Variants in CAMK1D observed in about 807,000 individuals in gnomAD.
CAMK1D encodes calcium/calmodulin dependent protein kinase ID, also known as calcium/calmodulin-dependent protein kinase type 1D.
A neutral mutation model predicts 47.7 loss-of-function variants in CAMK1D; 9 were observed. That is an observed-to-expected ratio of 0.19 (90% CI 0.11 to 0.33). The LOEUF is 0.33. Ranked by LOEUF, CAMK1D falls within the 10% of genes least tolerant of loss-of-function variation. CAMK1D has a pLI of 1.00. For synonymous variants in CAMK1D, 184 were observed against 184.9 expected (o/e 0.99, Z 0.04); for missense variants, 291 against 488.7 (o/e 0.60, Z 3.81).
At chr10:12,470,561 A>C (rs1037261259) in intron 1 of CAMK1D, among the ~76,000 whole-genome samples, 7 of 150,242 alleles carry the variant, frequency 4.7e-5, no homozygotes, top group African/African-American at 1.7e-4. Flanking sequence ...TCTGTCGCCC[A>C]GGTGGAGTGC....
intron 4 of CAMK1D, among the ~76,000 whole-genome samples, chr10:12,764,851 A>G (rs1402051992): frequency 6.6e-6 from 1 of 151,916 alleles, no homozygotes. Context: ...ATCCCAGCAC[A>G]TTGGGAGGCT....
intron 2 of CAMK1D, among the ~76,000 whole-genome samples, chr10:12,571,465 AAAAAAAG>A (rs1837324538): frequency 6.7e-6 from 1 of 149,856 alleles, no homozygotes. Flanking sequence ...AAAAAAAAAA[AAAAAAAG>A]AAAAAAAAGA....
At chr10:12,634,370 C>T (rs1839457664) in intron 2 of CAMK1D, among the ~76,000 whole-genome samples, 1 of 152,154 alleles carries the variant, frequency 6.6e-6, no homozygotes, top group South Asian at 2.1e-4. Context: ...CCCTCATCCT[C>T]CTACAGCAGC....
intron 1 of CAMK1D, among the ~76,000 whole-genome samples, chr10:12,489,346 C>T (rs902813083): frequency 1.8e-4 from 28 of 152,236 alleles, no homozygotes; most frequent in Admixed American, 3.9e-4. Context: ...AATGAAAAGT[C>T]AGCAGTGAGC....
intron 2 of CAMK1D, among the ~76,000 whole-genome samples, chr10:12,572,156 GC>G (rs2132317606): frequency 6.6e-6 from 1 of 151,860 alleles, no homozygotes; most frequent in East Asian, 1.9e-4. Context: ...CTCTTGATTT[GC>G]TTTGGCTCTA....
At chr10:12,387,304 T>C (rs7899237) in intron 1 of CAMK1D, among the ~76,000 whole-genome samples, 71,174 of 140,028 alleles carry the variant, frequency 0.51, 19,861 homozygotes, top group East Asian at 0.7. Context: ...ATTATATGTA[T>C]AATATATAAT....
At chr10:12,641,106 A>G (rs1354584919) in intron 2 of CAMK1D, among the ~76,000 whole-genome samples, 2 of 151,926 alleles carry the variant, frequency 1.3e-5, no homozygotes, top group African/African-American at 2.4e-5. Flanking sequence ...AGTAGCTAGG[A>G]TTACAGGAAT....
At chr10:12,681,114 A>G (rs1045977393) in intron 3 of CAMK1D, among the ~76,000 whole-genome samples, 1 of 152,018 alleles carries the variant, frequency 6.6e-6, no homozygotes, top group Non-Finnish European at 1.5e-5. Flanking sequence ...TGTGTCCTTG[A>G]CCATTTTCTC....
intron 5 of CAMK1D, 27 bp from the exon 6 acceptor site, chr10:12,791,131 C>T (rs1236573077): frequency 1.4e-5 from 22 of 1,609,924 alleles, no homozygotes; most frequent in Non-Finnish European, 1.8e-5. Context: ...AATTGTCAGG[C>T]TGTGTCTTTT....
intron 2 of CAMK1D, among the ~76,000 whole-genome samples, chr10:12,646,607 C>T (rs751015678): frequency 2.6e-5 from 4 of 152,018 alleles, no homozygotes; most frequent in Non-Finnish European, 4.4e-5. Flanking sequence ...GGATAATAGA[C>T]CCCTCCCCTA....
intron 8 of CAMK1D, among the ~76,000 whole-genome samples, 175 bp downstream of exon 8, chr10:12,816,503 C>T (rs1832799690): frequency 6.6e-6 from 1 of 152,064 alleles, no homozygotes; most frequent in African/African-American, 2.4e-5. Context: ...AACTCTTGTG[C>T]CCCCAGGACA....
At position 12,829,631 on chromosome 10, in the gene CAMK1D, G is replaced by A. The variant is rs953025011; in HGVS notation, c.*744G>A. The stretch of plus-strand genomic sequence containing the variant: ...ACCTGTAGTCCCGGCTACTCGGGAG[G>A]CTGAGGCAGGAGAATTGCTTGAACC... On this transcript the variant is annotated 3_prime_UTR_variant, in exon 11 of 11. Transcript: ENST00000619168. 1 of 151,996 alleles carries A rather than the reference G, an allele frequency of 6.6e-6. No homozygotes were observed. Among genetic ancestry groups the A allele is most frequent in the Non-Finnish European group, 1.5e-5 (1 of 68,110 alleles). 9.4% of individuals were successfully genotyped at this position (151,996 alleles called of 1,614,324 possible). A position where few individuals can be genotyped will look rare whatever the true frequency, so the allele number is the denominator to read the frequency against.
intron 9 of CAMK1D, among the ~76,000 whole-genome samples, chr10:12,824,959 T>G (rs1181389114): frequency 6.6e-6 from 1 of 152,170 alleles, no homozygotes; most frequent in Non-Finnish European, 1.5e-5. Flanking sequence ...GATCATCTGT[T>G]GATTACCTGA....
chr10:12,548,583 G>T (rs56278547), intron 1 of CAMK1D, among the ~76,000 whole-genome samples: 8,333 of 149,910 alleles, frequency 0.056, 630 homozygotes, highest in African/African-American at 0.17. Flanking sequence ...TCCTACCTTA[G>T]CCTCCCAAGT....
intron 1 of CAMK1D, among the ~76,000 whole-genome samples, chr10:12,444,916 A>G (rs969317693): frequency 6.6e-6 from 1 of 152,184 alleles, no homozygotes; most frequent in Admixed American, 6.6e-5. Context: ...TGGAACAGGA[A>G]AAGATGTGGA....
intron 1 of CAMK1D, among the ~76,000 whole-genome samples, chr10:12,426,224 A>C (rs1840224514): frequency 6.6e-6 from 1 of 152,058 alleles, no homozygotes; most frequent in Non-Finnish European, 1.5e-5. Flanking sequence ...AGGCTGTTGT[A>C]TTTTTGCTGT....
At chr10:12,759,334 G>A (rs952501771) in intron 3 of CAMK1D, among the ~76,000 whole-genome samples, 5 of 152,170 alleles carry the variant, frequency 3.3e-5, no homozygotes, top group African/African-American at 1.2e-4. Context: ...AGCTTGGGCT[G>A]CAGAATGAGA....
chr10:12,406,869 T>C (rs1376901492), intron 1 of CAMK1D, among the ~76,000 whole-genome samples: 2 of 151,996 alleles, frequency 1.3e-5, no homozygotes, highest in African/African-American at 4.8e-5. Flanking sequence ...GCTCTTTCCC[T>C]TACAGTACAA....
chr10:12,615,618 A>G (rs1261278706), intron 2 of CAMK1D, among the ~76,000 whole-genome samples: 2 of 148,582 alleles, frequency 1.3e-5, no homozygotes, highest in Non-Finnish European at 3.0e-5. Flanking sequence ...ATGTATACGT[A>G]TGTGTAGTGT....
Sources: allele counts gnomAD v4.1 joint callset (sites outside exome capture counted in the v4.1 genomes callset), GRCh38; gene constraint gnomAD v4.1.1; transcripts MANE v1.5; gene names NCBI Gene and HGNC (gene_info 2026-07-23, HGNC 2026-07-21).